Variants in SETD9 observed in about 807,000 individuals in gnomAD.
SETD9 encodes SET domain-containing protein 9.
Under a neutral mutation model 36.4 loss-of-function variants are expected in SETD9, and 37 were observed. The observed-to-expected ratio is 1.02, with a 90% CI of 0.78 to 1.34. The LOEUF is 1.34. Ranked by LOEUF, SETD9 falls within the 40% of genes most tolerant of loss-of-function variation. The pLI, the probability that SETD9 is intolerant of heterozygous loss-of-function variation, is 0.00. For synonymous variants in SETD9, 128 were observed against 132.9 expected (o/e 0.96, Z 0.26); for missense variants, 323 against 353.2 (o/e 0.91, Z 0.69).
chr5:56,910,204 C>T (rs1019889633), intron 1 of SETD9: 1 of 1,263,586 alleles, frequency 7.9e-7, no homozygotes, highest in Non-Finnish European at 1.0e-6. Flanking sequence ...TTTTTCTCCA[C>T]CAGGGGTTAA....
chr5:56,922,138 C>G (rs1441167279), downstream of SETD9: 1 of 152,630 alleles, frequency 6.6e-6, no homozygotes, highest in South Asian at 2.1e-4. Context: ...AATATTAACA[C>G]TTTGAACTGC....
intron 1 of SETD9, chr5:56,910,301 T>TC: frequency 1.5e-6 from 2 of 1,304,276 alleles, no homozygotes; most frequent in South Asian, 2.5e-5. Flanking sequence ...AAGAAGCCCA[T>TC]CCCGGCTGTG....
downstream of SETD9, among the ~76,000 whole-genome samples, chr5:56,926,779 T>C (rs1225678047): frequency 6.6e-6 from 1 of 152,042 alleles, no homozygotes; most frequent in Admixed American, 6.6e-5. Context: ...TGAATATTTA[T>C]AGCTTTAATG....
intron 2 of SETD9, chr5:56,912,209 A>G: frequency 2.0e-6 from 2 of 985,266 alleles, no homozygotes; most frequent in Non-Finnish European, 2.4e-6. Context: ...CAACATTTAA[A>G]CCCATAAGTC....
intron 5 of SETD9, chr5:56,923,986 A>G: frequency 6.2e-7 from 1 of 1,614,072 alleles, no homozygotes; most frequent in African/African-American, 1.3e-5. Flanking sequence ...CATAACGTTC[A>G]GATTTCTTCC....
intron 5 of SETD9, chr5:56,923,846 C>A (rs751197276): frequency 6.2e-7 from 1 of 1,614,068 alleles, no homozygotes; most frequent in Non-Finnish European, 8.5e-7. Context: ...GAAAAACACA[C>A]CCCAGTAATT....
intron 1 of SETD9, 149 bp from the exon 2 acceptor site, chr5:56,911,020 A>G: frequency 1.1e-6 from 1 of 894,886 alleles, no homozygotes; most frequent in East Asian, 2.8e-5. Context: ...AACTCCCTCA[A>G]ACAATTCTTT....
upstream of SETD9, chr5:56,909,562 C>T: frequency 4.6e-6 from 5 of 1,094,976 alleles, no homozygotes; most frequent in Non-Finnish European, 6.3e-6. Context: ...CGAGCGCGGC[C>T]CCCTCTCCTC....
At chr5:56,923,414 A>G in intron 5 of SETD9, 1 of 1,614,200 alleles carries the variant, frequency 6.2e-7, no homozygotes, top group Non-Finnish European at 8.5e-7. Context: ...TCCAGTCTCA[A>G]ATAAATTAAA....
At chr5:56,917,441 T>G, downstream of SETD9, 2 of 546,906 alleles carry the variant, frequency 3.7e-6, no homozygotes, top group Non-Finnish European at 4.7e-6. Context: ...CTTTGAACAT[T>G]TTCACACCAA....
intron 1 of SETD9, 78 bp downstream of exon 1, chr5:56,909,821 G>T: frequency 7.3e-7 from 1 of 1,360,634 alleles, no homozygotes; most frequent in Non-Finnish European, 1.0e-6. Flanking sequence ...GACGCAAAGC[G>T]GAGAGCCTGA....
rs376955337 is a variant in SETD9 at position 56,916,863 on chromosome 5, A to G, written c.861A>G (p.Gly287=). 2.7e-5 allele frequency: 43 copies of G among 1,608,052 alleles called. No individual in the cohort carries two copies. The highest frequency in any genetic ancestry group is 1.0e-4 in the Admixed American group (6 of 58,918). Residue 287 remains glycine (G), a synonymous_variant, in exon 6 of 6, where the codon GGA becomes GGG. Transcript: ENST00000285947. ...TCGCACTTAGGGACATCAATCAAGG[A>G]GAAGAGCTTTTTTCAAACTACTACA... ...VLVALRDINQ[G]EELFSNYYTI...
intron 5 of SETD9, 79 bp downstream of exon 5, chr5:56,915,045 A>G: frequency 9.1e-7 from 1 of 1,101,192 alleles, no homozygotes; most frequent in Admixed American, 3.1e-5. Flanking sequence ...GCTATGTAGA[A>G]TTTGGGGTAA....
downstream of SETD9, among the ~76,000 whole-genome samples, chr5:56,925,964 T>G (rs1351755404): frequency 6.6e-6 from 1 of 152,040 alleles, no homozygotes; most frequent in African/African-American, 2.4e-5. Flanking sequence ...CAACTGATCT[T>G]TAACCAAAGA....
At chr5:56,923,744 A>G in intron 5 of SETD9, 2 of 1,614,216 alleles carry the variant, frequency 1.2e-6, no homozygotes, top group South Asian at 1.1e-5. Context: ...TTGATCAGGA[A>G]TAGGCTCAGG....
chr5:56,922,849 G>A (rs1749737749), intron 5 of SETD9: 3 of 383,384 alleles, frequency 7.8e-6, no homozygotes, highest in South Asian at 6.9e-5. Context: ...AGGGAGTGGG[G>A]AAGAGGTATT....
At chr5:56,910,486 G>A (rs1749061968) in intron 1 of SETD9, 6 of 1,092,320 alleles carry the variant, frequency 5.5e-6, no homozygotes, top group Non-Finnish European at 7.2e-6. Context: ...TGAAGTCAGT[G>A]TCCGACAAAT....
chr5:56,916,765 G>T, intron 5 of SETD9, 50 bp from the exon 6 acceptor site: 2 of 1,567,542 alleles, frequency 1.3e-6, no homozygotes, highest in South Asian at 2.5e-5. Flanking sequence ...TTAAAAATAT[G>T]AGCTTATATT....
In SETD9 at chr5:56,917,006, A is replaced by G; in HGVS notation, c.*104A>G. The G allele has an allele frequency of 7.2e-7, 1 of 1,384,126 alleles. No homozygotes were observed. Among genetic ancestry groups the G allele is most frequent in the East Asian group, 2.9e-5 (1 of 34,138 alleles). 85.7% of individuals were successfully genotyped at this position (1,384,126 alleles called of 1,614,324 possible). ...CTACCTGTAAAACAAATATTTTGAG[A>G]CTTAATTGGAATAGGAATTTCTTAT... On this transcript the variant is annotated 3_prime_UTR_variant, in exon 6 of 6. Coordinates refer to ENST00000285947, the MANE Select transcript of SETD9 (RefSeq NM_153706.4).
Sources: gnomAD v4.1 joint callset for allele counts (sites outside exome capture counted in the v4.1 genomes callset) on GRCh38, gnomAD v4.1.1 for gene constraint, MANE v1.5 for transcripts, NCBI Gene and HGNC (gene_info 2026-07-23, HGNC 2026-07-21) for gene names.